Variants in DCHS2 observed in about 807,000 individuals in gnomAD.
DCHS2 encodes the protein protocadherin-23.
Under a neutral mutation model 182.4 loss-of-function variants are expected in DCHS2, and 142 were observed. The observed-to-expected ratio is 0.78, with a 90% CI of 0.68 to 0.89. DCHS2 has a LOEUF of 0.89. DCHS2 is among the 40% of genes least tolerant of loss of function. DCHS2 has a pLI of 0.00. For missense variants in DCHS2, 4,319 were observed against 4,198.6 expected (o/e 1.03, Z -0.79); for synonymous variants, 1,740 against 1,663.3 (o/e 1.05, Z -1.12).
chr4:154,326,482 TTTC>T (rs1736288004), intron 7 of DCHS2, among the ~76,000 whole-genome samples: 1 of 152,200 alleles, frequency 6.6e-6, no homozygotes, highest in Admixed American at 6.5e-5. Context: ...AGCTTCTGCA[TTTC>T]TTCTTGTTTA....
At chr4:154,238,161 G>T (rs1560973578) in intron 19 of DCHS2, among the ~76,000 whole-genome samples, 1 of 150,486 alleles carries the variant, frequency 6.6e-6, no homozygotes, top group African/African-American at 2.4e-5. Flanking sequence ...AAAGACGGTG[G>T]GGGGGTGGGG....
At position 154,233,563 on chromosome 4, in the gene DCHS2, T is replaced by A. The variant is rs1434633677; in HGVS notation, c.*973A>T. On this transcript the variant is annotated 3_prime_UTR_variant, in exon 20 of 20. Coordinates refer to ENST00000357232, the MANE Select transcript of DCHS2 (RefSeq NM_001358235.2). ...TATCATTAGCTAATGACATGATTTT[T>A]ATCTACACAAATTTTAAAAACTGAC... The A allele has an allele frequency of 1.3e-5, 2 of 152,180 alleles. No homozygotes were observed. The highest frequency in any genetic ancestry group is 6.5e-5 in the Admixed American group (1 of 15,270). 9.4% of individuals were successfully genotyped at this position (152,180 alleles called of 1,614,324 possible).
At chr4:154,333,542 C>A in intron 4 of DCHS2, 48 bp from the exon 5 acceptor site, 1 of 1,519,326 alleles carries the variant, frequency 6.6e-7, no homozygotes, top group South Asian at 1.3e-5. Context: ...AGGGTGGACC[C>A]ACTGGAAACT....
intron 10 of DCHS2, among the ~76,000 whole-genome samples, chr4:154,313,101 T>G (rs765171021): frequency 6.6e-6 from 1 of 152,190 alleles, no homozygotes. Flanking sequence ...ATTCTATATT[T>G]CAGTGTGGCA....
intron 16 of DCHS2, among the ~76,000 whole-genome samples, chr4:154,251,595 T>C (rs925650772): frequency 1.3e-5 from 2 of 152,208 alleles, no homozygotes; most frequent in African/African-American, 4.8e-5. Context: ...CTCAGCTCAC[T>C]GCAATCTCCA....
intron 17 of DCHS2, among the ~76,000 whole-genome samples, chr4:154,242,364 G>A (rs1731867287): frequency 1.3e-5 from 2 of 152,158 alleles, no homozygotes; most frequent in South Asian, 4.1e-4. Flanking sequence ...TCTTCATAGA[G>A]TAGATATAAT....
In DCHS2 at chr4:154,322,439, T is replaced by C. The variant is rs745847413; in HGVS notation, c.4068A>G (p.Arg1356=). 9.9e-6 allele frequency: 16 copies of C among 1,613,686 alleles called. No individual in the cohort carries two copies. The highest frequency in any genetic ancestry group is 9.3e-6 in the Non-Finnish European group (11 of 1,179,764). Residue 1356 remains arginine, a synonymous_variant, in exon 8 of 20, where the codon AGA becomes AGG. Coordinates refer to ENST00000357232, the MANE Select transcript of DCHS2 (RefSeq NM_001358235.2). ...FKIDANNGEI[R]TTTILSYDYR... is the part of the protein sequence containing the mutation. The stretch of plus-strand genomic sequence containing the variant: ...AATCATACGAAAGTATTGTGGTTGT[T>C]CTTATTTCACCATTGTTGGCGTCAA...
At chr4:154,335,236 G>A (rs1202390583) in intron 3 of DCHS2, 132 bp from the exon 4 acceptor site, 2 of 672,600 alleles carry the variant, frequency 3.0e-6, no homozygotes, top group East Asian at 5.3e-5. Context: ...AGGATGTCCA[G>A]GCATTTGATC....
intron 16 of DCHS2, among the ~76,000 whole-genome samples, chr4:154,248,665 CA>C (rs5863091): frequency 0.77 from 116,632 of 152,066 alleles, 48,564 homozygotes; most frequent in South Asian, 0.94. Context: ...CCGGAGGCAC[CA>C]TATTACCTGA....
At chr4:154,486,532 G>A in intron 1 of DCHS2, 1 of 1,303,692 alleles carries the variant, frequency 7.7e-7, no homozygotes, top group Non-Finnish European at 1.0e-6. Context: ...TGTAAAAGAG[G>A]AAAACTTGTA....
At chr4:154,253,864 T>TC (rs1732514027) in intron 16 of DCHS2, among the ~76,000 whole-genome samples, 1 of 151,736 alleles carries the variant, frequency 6.6e-6, no homozygotes, top group South Asian at 2.1e-4. Context: ...TATTATAATT[T>TC]TTTCATAAAA....
intron 7 of DCHS2, among the ~76,000 whole-genome samples, chr4:154,325,206 CACTTTTATA>C (rs1736230861): frequency 6.6e-6 from 1 of 151,858 alleles, no homozygotes; most frequent in South Asian, 2.1e-4. Flanking sequence ...CGTAGAAAGT[CACTTTTATA>C]ACTGAAGTTG....
At chr4:154,343,796 T>A in intron 3 of DCHS2, 1 of 828,712 alleles carries the variant, frequency 1.2e-6, no homozygotes, top group Non-Finnish European at 1.6e-6. Flanking sequence ...TTCACTGGAG[T>A]ATACTTTTAA....
chr4:154,377,770 T>C (rs1329184604), intron 1 of DCHS2, among the ~76,000 whole-genome samples: 1 of 152,158 alleles, frequency 6.6e-6, no homozygotes, highest in Non-Finnish European at 1.5e-5. Context: ...ACTAATCTCA[T>C]CCAATCTCAA....
chr4:154,476,360 C>A (rs1290451005), intron 1 of DCHS2, among the ~76,000 whole-genome samples: 5 of 152,104 alleles, frequency 3.3e-5, no homozygotes, highest in African/African-American at 9.7e-5. Flanking sequence ...GAGGCACAGA[C>A]AAAGATCATG....
intron 18 of DCHS2, among the ~76,000 whole-genome samples, 163 bp from the exon 19 acceptor site, chr4:154,239,465 A>G (rs1731697137): frequency 6.6e-6 from 1 of 152,210 alleles, no homozygotes; most frequent in South Asian, 2.1e-4. Context: ...GGCATATTAA[A>G]AAGATTGTGT....
At chr4:154,322,519 G>A in intron 7 of DCHS2, 31 bp from the exon 8 acceptor site, 2 of 1,565,122 alleles carry the variant, frequency 1.3e-6, no homozygotes, top group South Asian at 2.5e-5. Flanking sequence ...AGAAATGAAT[G>A]TTAATTGACA....
intron 3 of DCHS2, among the ~76,000 whole-genome samples, chr4:154,356,530 C>T (rs1476585302): frequency 6.6e-6 from 1 of 152,200 alleles, no homozygotes; most frequent in African/African-American, 2.4e-5. Flanking sequence ...CCCAGAACAC[C>T]TTCCAGTCCT....
At position 154,397,369 on chromosome 4, in the gene DCHS2, T is replaced by C. The variant is rs192710868; in HGVS notation, c.2053-19925A>G. On this transcript the variant is annotated intron_variant, in intron 1 of 19. Coordinates refer to ENST00000357232, the MANE Select transcript of DCHS2 (RefSeq NM_001358235.2). ...ATTAGGCCAAAAGTTTGAAGTAAGT[T>C]TAGTCTAGGTCTAGAATACCTATTC... Among the ~76,000 whole-genome samples, 5 of 152,360 alleles carry C rather than the reference T, an allele frequency of 3.3e-5. No homozygotes were observed. The East Asian group carries it at 9.6e-4, about 29-fold the overall frequency.
Sources: allele counts gnomAD v4.1 joint callset (sites outside exome capture counted in the v4.1 genomes callset), GRCh38; gene constraint gnomAD v4.1.1; transcripts MANE v1.5; gene names NCBI Gene and HGNC (gene_info 2026-07-23, HGNC 2026-07-21).